Variants in RNF144A observed in about 807,000 individuals in gnomAD.
RNF144A encodes E3 ubiquitin-protein ligase RNF144A.
In RNF144A, 11 loss-of-function variants were observed where a neutral mutation model predicts 38.7. The observed-to-expected ratio is 0.28, with a 90% confidence interval of 0.18 to 0.47. The LOEUF (loss-of-function observed/expected upper bound fraction) is 0.47, where lower values mean the gene tolerates loss of function less well. RNF144A is among the 20% of genes least tolerant of loss of function. RNF144A has a pLI of 0.99. For synonymous variants in RNF144A, 149 were observed against 143.9 expected (o/e 1.04, Z -0.25); for missense variants, 316 against 377.2 (o/e 0.84, Z 1.34).
chr2:6,942,443 T>C (rs1438949695), intron 2 of RNF144A, among the ~76,000 whole-genome samples: 2 of 152,270 alleles, frequency 1.3e-5, no homozygotes, highest in African/African-American at 2.4e-5. Context: ...AATTTTACTT[T>C]AGTAATCCAG....
At chr2:7,059,234 C>T (rs1245398646) in intron 6 of RNF144A, among the ~76,000 whole-genome samples, 1 of 152,056 alleles carries the variant, frequency 6.6e-6, no homozygotes, top group African/African-American at 2.4e-5. Context: ...GTAGTCCCAG[C>T]TACTTGGGAG....
intron 3 of RNF144A, among the ~76,000 whole-genome samples, chr2:7,009,770 AACC>A (rs1206671939): frequency 6.6e-6 from 1 of 152,170 alleles, no homozygotes; most frequent in African/African-American, 2.4e-5. Flanking sequence ...CAGCCTCCTT[AACC>A]ACAGCCCTCC....
chr2:6,927,696 G>A (rs1418733867), intron 1 of RNF144A, among the ~76,000 whole-genome samples: 2 of 152,238 alleles, frequency 1.3e-5, no homozygotes, highest in South Asian at 2.1e-4. Context: ...GGTTTTGGGT[G>A]TGAAAAACAG....
intron 6 of RNF144A, among the ~76,000 whole-genome samples, chr2:7,055,331 G>T (rs965950296): frequency 6.6e-6 from 1 of 152,134 alleles, no homozygotes; most frequent in Non-Finnish European, 1.5e-5. Context: ...GCTCAGTATT[G>T]CATCTTGATT....
intron 6 of RNF144A, among the ~76,000 whole-genome samples, chr2:7,062,235 C>T (rs1232416119): frequency 2.0e-5 from 3 of 152,020 alleles, no homozygotes; most frequent in South Asian, 2.1e-4. Flanking sequence ...AGCAGAGGTA[C>T]GAGAAAGAGC....
intron 7 of RNF144A, 76 bp from the exon 8 acceptor site, chr2:7,030,050 G>T: frequency 1.0e-6 from 1 of 983,770 alleles, no homozygotes. Flanking sequence ...GAGAAGAAAT[G>T]CATCAATGGC....
At chr2:6,972,033 G>A (rs1246155759) in intron 2 of RNF144A, among the ~76,000 whole-genome samples, 1 of 152,152 alleles carries the variant, frequency 6.6e-6, no homozygotes, top group African/African-American at 2.4e-5. Context: ...GGCCCCTGGG[G>A]AGGAATTACT....
At chr2:7,014,839 A>G (rs1167238889) in intron 5 of RNF144A, 67 bp downstream of exon 5, 1 of 1,184,310 alleles carries the variant, frequency 8.4e-7, no homozygotes, top group Admixed American at 1.7e-5. Context: ...TTTTGTGGGG[A>G]GTTCTTTTGG....
At chr2:6,927,602 C>T (rs950296308) in intron 1 of RNF144A, among the ~76,000 whole-genome samples, 2 of 152,256 alleles carry the variant, frequency 1.3e-5, no homozygotes, top group African/African-American at 4.8e-5. Flanking sequence ...CTGAGCCAGG[C>T]TGTCCTCTGC....
At chr2:7,037,995 C>T (rs1278954908) in intron 8 of RNF144A, among the ~76,000 whole-genome samples, 3 of 152,204 alleles carry the variant, frequency 2.0e-5, no homozygotes, top group Admixed American at 6.5e-5. Context: ...ATGGCGAGGC[C>T]GGCTGGAAAG....
At chr2:6,923,238 GAAGGGACTCTCTCCTCAAGTTCA>G (rs1160498659) in intron 1 of RNF144A, among the ~76,000 whole-genome samples, 1 of 152,222 alleles carries the variant, frequency 6.6e-6, no homozygotes, top group Non-Finnish European at 1.5e-5. Flanking sequence ...ATGTCTGCAT[GAAGGGACTCTCTCCTCAAGTTCA>G]AACATTCACT....
chr2:7,041,898 GT>G lies in RNF144A; in HGVS notation c.*2140del, dbSNP rs568396350. ...GACCTTATTTCTAGAGGGACAGGCT[GT>G]TCTGTTGGAAGAGTCTCTGGCCCAG... On this transcript the variant is annotated 3_prime_UTR_variant, in exon 9 of 9. Coordinates refer to ENST00000320892, the MANE Select transcript of RNF144A (RefSeq NM_014746.6). The G allele has an allele frequency of 2.3e-4, 224 of 985,454 alleles. 2 individuals carry two copies. The African/African-American group carries it at 3.7e-3, about 16-fold the overall frequency. 61.0% of individuals were successfully genotyped at this position (985,454 alleles called of 1,614,324 possible).
intron 8 of RNF144A, among the ~76,000 whole-genome samples, chr2:7,030,774 A>G (rs531262053): frequency 7.5e-4 from 114 of 152,166 alleles, no homozygotes; most frequent in Middle Eastern, 6.8e-3. Context: ...ACTTTATGTC[A>G]TGATTACATT....
At chr2:6,991,657 A>G (rs755879168) in intron 2 of RNF144A, among the ~76,000 whole-genome samples, 8 of 152,188 alleles carry the variant, frequency 5.3e-5, no homozygotes, top group South Asian at 2.1e-4. Context: ...TAAAATTTGA[A>G]TAATAGCAAA....
intron 2 of RNF144A, among the ~76,000 whole-genome samples, chr2:6,953,449 G>A (rs1171552938): frequency 6.6e-6 from 1 of 152,052 alleles, no homozygotes; most frequent in Non-Finnish European, 1.5e-5. Context: ...TTTCTTCTCA[G>A]TACTGCTTTA....
At chr2:7,047,999 C>T (rs1269338488), downstream of RNF144A, among the ~76,000 whole-genome samples, 1 of 152,208 alleles carries the variant, frequency 6.6e-6, no homozygotes, top group African/African-American at 2.4e-5. Context: ...CTGACTGGCA[C>T]ACAGAGACTT....
chr2:7,043,979 C>T lies in RNF144A; in HGVS notation c.*4219C>T. ...TTTGAAATGTCAGTACATTTTGTGCCACTAACACTGTGATGTATAAAAGAG... is the reference window on the plus strand; with the variant it reads ...TTTGAAATGTCAGTACATTTTGTGCTACTAACACTGTGATGTATAAAAGAG... On this transcript the variant is annotated 3_prime_UTR_variant, in exon 9 of 9. Coordinates refer to ENST00000320892, the MANE Select transcript of RNF144A (RefSeq NM_014746.6). 4 of 985,772 alleles carry T rather than the reference C, an allele frequency of 4.1e-6. No homozygotes were observed. Among genetic ancestry groups the T allele is most frequent in the Non-Finnish European group, 4.8e-6 (4 of 829,882 alleles). 61.1% of individuals were successfully genotyped at this position (985,772 alleles called of 1,614,324 possible).
intron 8 of RNF144A, among the ~76,000 whole-genome samples, chr2:7,038,949 C>G (rs56131622): frequency 0.75 from 113,075 of 151,392 alleles, 43,406 homozygotes; most frequent in African/African-American, 0.93. Context: ...TGGATAGATG[C>G]GTGGGTGATG....
intron 6 of RNF144A, among the ~76,000 whole-genome samples, chr2:7,057,215 A>G (rs1673777513): frequency 6.6e-6 from 1 of 152,236 alleles, no homozygotes; most frequent in African/African-American, 2.4e-5. Context: ...ATTGCATTGT[A>G]CTTATTTACA....
Sources: allele counts gnomAD v4.1 joint callset (sites outside exome capture counted in the v4.1 genomes callset), GRCh38; gene constraint gnomAD v4.1.1; transcripts MANE v1.5; gene names NCBI Gene and HGNC (gene_info 2026-07-23, HGNC 2026-07-21).